FHIT: variants seen among roughly 807,000 people sequenced by gnomAD.
The protein encoded by FHIT is bis(5'-adenosyl)-triphosphatase.
Under a neutral mutation model 17.9 loss-of-function variants are expected in FHIT, and 19 were observed. The observed-to-expected ratio is 1.06, with a 90% CI of 0.74 to 1.56. The LOEUF is 1.56. Among genes scored for constraint, FHIT ranks in the 40% most tolerant of loss-of-function variants. The probability of loss-of-function intolerance (pLI) is 0.00; values close to 1 mark genes in which losing one functional copy is unlikely to be tolerated. For missense variants in FHIT, 248 were observed against 189.2 expected, an observed-to-expected ratio of 1.31 and a Z score of -1.82; for synonymous variants, 81 against 69.7, an observed-to-expected ratio of 1.16 and a Z score of -0.81.
intron 2 of FHIT, among the ~76,000 whole-genome samples, chr3:61,198,992 C>T (rs2038937635): frequency 5.3e-5 from 8 of 152,104 alleles, no homozygotes. Flanking sequence ...TGGGCCAGGA[C>T]TTCTAAGTCC....
intron 5 of FHIT, chr3:60,535,690 G>C (rs940895041): frequency 4.0e-5 from 6 of 151,474 alleles, no homozygotes; most frequent in Non-Finnish European, 7.4e-5. Context: ...ATTTACTAGA[G>C]TATTGCTTAT....
intron 3 of FHIT, among the ~76,000 whole-genome samples, chr3:61,005,014 A>G (rs1465773812): frequency 6.6e-6 from 1 of 152,178 alleles, no homozygotes; most frequent in African/African-American, 2.4e-5. Flanking sequence ...TACAGCAGAG[A>G]GGGAGAAGAA....
intron 2 of FHIT, among the ~76,000 whole-genome samples, chr3:61,190,641 T>C (rs543082226): frequency 4.7e-4 from 72 of 152,308 alleles, no homozygotes; most frequent in African/African-American, 1.7e-3. Context: ...CGTATGTTTA[T>C]TGTGGCACTA....
chr3:59,778,287 A>G (rs1224215139), intron 8 of FHIT, among the ~76,000 whole-genome samples: 2 of 152,184 alleles, frequency 1.3e-5, no homozygotes, highest in Non-Finnish European at 2.9e-5. Context: ...AGGGGAATGG[A>G]TAAAGAGTAA....
chr3:60,929,377 G>A (rs1446634417), intron 3 of FHIT, among the ~76,000 whole-genome samples: 1 of 152,196 alleles, frequency 6.6e-6, no homozygotes, highest in Non-Finnish European at 1.5e-5. Context: ...TTAGGCAGGA[G>A]AAGGAAGTAA....
chr3:60,210,038 A>G (rs1261563349), intron 5 of FHIT, among the ~76,000 whole-genome samples: 1 of 152,174 alleles, frequency 6.6e-6, no homozygotes, highest in Non-Finnish European at 1.5e-5. Flanking sequence ...CGTTCTGCGC[A>G]TGTATCCCAG....
Position 60,548,506 on chromosome 3 carries a change from C to G in FHIT, c.-17-11527G>C, listed in dbSNP as rs529071692. 8.5e-5 allele frequency among the ~76,000 whole-genome samples: 13 copies of G among 152,298 alleles called. No homozygotes were observed. The South Asian group carries it at 2.3e-3, about 27-fold the overall frequency. On this transcript the variant is annotated intron_variant, in intron 4 of 9. Coordinates refer to ENST00000492590, the MANE Select transcript of FHIT (RefSeq NM_002012.4). ...ACCAAGCTCATGAAGATGTGAAATT[C>G]TAATCAACAGATTACCTGAAAACAT...
intron 8 of FHIT, among the ~76,000 whole-genome samples, chr3:59,772,679 G>C (rs772852677): frequency 6.6e-6 from 1 of 152,170 alleles, no homozygotes; most frequent in Non-Finnish European, 1.5e-5. Flanking sequence ...TTATCCTAAC[G>C]AGAAGGCAAA....
chr3:59,984,953 T>C (rs1282409986), intron 7 of FHIT, among the ~76,000 whole-genome samples: 4 of 152,052 alleles, frequency 2.6e-5, no homozygotes, highest in Non-Finnish European at 5.9e-5. Flanking sequence ...GCCAGGTGTG[T>C]TGAGGTCTAT....
intron 5 of FHIT, among the ~76,000 whole-genome samples, chr3:60,072,047 A>G (rs1702796860): frequency 1.3e-5 from 2 of 151,758 alleles, no homozygotes; most frequent in Admixed American, 1.3e-4. Context: ...GTTTGTCTTT[A>G]CTAACAGAGT....
intron 4 of FHIT, chr3:60,730,204 G>T: frequency 2.9e-6 from 1 of 348,480 alleles, no homozygotes; most frequent in South Asian, 2.7e-5. Flanking sequence ...CCAGATTTTC[G>T]TGTATTCCTC....
chr3:60,212,991 T>C (rs372344851), intron 5 of FHIT, among the ~76,000 whole-genome samples: 15 of 152,138 alleles, frequency 9.9e-5, no homozygotes, highest in African/African-American at 3.4e-4. Context: ...GATGCTTTCA[T>C]GCCACCTGAA....
At chr3:60,048,645 C>T (rs527430473) in intron 5 of FHIT, among the ~76,000 whole-genome samples, 2 of 152,308 alleles carry the variant, frequency 1.3e-5, no homozygotes, top group East Asian at 1.9e-4. Context: ...CTTCCCTCTG[C>T]TTTATGAGGG....
chr3:59,818,953 G>T (rs1415921696), intron 8 of FHIT, among the ~76,000 whole-genome samples: 2 of 152,196 alleles, frequency 1.3e-5, no homozygotes, highest in Non-Finnish European at 2.9e-5. Context: ...TGACTACTCT[G>T]TGTCAGAGTC....
intron 3 of FHIT, among the ~76,000 whole-genome samples, chr3:60,883,414 C>T (rs1397557047): frequency 6.6e-6 from 1 of 152,040 alleles, no homozygotes; most frequent in Non-Finnish European, 1.5e-5. Context: ...CCAAAGCAAT[C>T]CCCAGCAAAA....
At chr3:60,245,578 A>G (rs981238125) in intron 5 of FHIT, among the ~76,000 whole-genome samples, 1 of 152,120 alleles carries the variant, frequency 6.6e-6, no homozygotes, top group African/African-American at 2.4e-5. Flanking sequence ...TTAGGGGAAA[A>G]ACCTTTTTGT....
At chr3:59,876,510 C>T (rs1703168629) in intron 8 of FHIT, among the ~76,000 whole-genome samples, 1 of 152,072 alleles carries the variant, frequency 6.6e-6, no homozygotes, top group Non-Finnish European at 1.5e-5. Context: ...GCACTTCCCT[C>T]AAAGGAGACC....
intron 4 of FHIT, among the ~76,000 whole-genome samples, chr3:60,606,149 A>C (rs1226118700): frequency 6.6e-6 from 1 of 152,046 alleles, no homozygotes; most frequent in African/African-American, 2.4e-5. Flanking sequence ...CCAACAAAGA[A>C]TCCTCCTCTA....
At chr3:60,644,971 G>A (rs1217732301) in intron 4 of FHIT, among the ~76,000 whole-genome samples, 1 of 152,116 alleles carries the variant, frequency 6.6e-6, no homozygotes. Flanking sequence ...AGTTAGGGCT[G>A]ACACTTTCTC....
Sources: gnomAD v4.1 joint callset for allele counts (sites outside exome capture counted in the v4.1 genomes callset) on GRCh38, gnomAD v4.1.1 for gene constraint, MANE v1.5 for transcripts, NCBI Gene and HGNC (gene_info 2026-07-23, HGNC 2026-07-21) for gene names.